PCDHGA1: variants seen among roughly 807,000 people sequenced by gnomAD.
The protein encoded by PCDHGA1 is protocadherin gamma subfamily A, 1.
PCDHGA1 carries 32 observed loss-of-function variants against 58.0 expected under a neutral mutation model. The observed-to-expected ratio is 0.55, with a 90% CI of 0.42 to 0.74. The LOEUF is 0.74. Ranked by LOEUF, PCDHGA1 falls within the 30% of genes least tolerant of loss-of-function variation. PCDHGA1 has a pLI of 0.00. For missense variants in PCDHGA1, 1,205 were observed against 1,182.3 expected (o/e 1.02, Z -0.28); for synonymous variants, 498 against 501.1 (o/e 0.99, Z 0.08).
Position 141,400,079 on chromosome 5 carries a change from C to G in PCDHGA1, c.2421+66974C>G, listed in dbSNP as rs1377742612. On this transcript the variant is annotated intron_variant, in intron 1 of 3. Coordinates refer to ENST00000517417, the MANE Select transcript of PCDHGA1 (RefSeq NM_018912.3). ...CGTGATGGTGGACAGCCGCCACTCT[C>G]CGCCACCGCCACGCTGCACTTGGTC... 2.5e-6 allele frequency: 4 copies of G among 1,613,924 alleles called. No individual in the cohort carries two copies. In the East Asian group the frequency reaches 6.7e-5, roughly 27 times the overall value.
In PCDHGA1 at chr5:141,431,841, C is replaced by T; in HGVS notation, c.2422-62966C>T. The T allele has an allele frequency of 6.2e-7, 1 of 1,614,246 alleles. No homozygotes were observed. Among genetic ancestry groups the T allele is most frequent in the Non-Finnish European group, 8.5e-7 (1 of 1,180,044 alleles). ...GCCAGCTCGGTTCCCGAAAACTCTC[C>T]CAGAGGGACATTAATTGCCCTTTTA... On this transcript the variant is annotated intron_variant, in intron 1 of 3. Coordinates refer to ENST00000517417, the MANE Select transcript of PCDHGA1 (RefSeq NM_018912.3). The surrounding 1 kb of genome is among the most constrained non-coding windows in gnomAD (Gnocchi z 4.8).
At chr5:141,369,056 A>G (rs1051777432) in intron 1 of PCDHGA1, among the ~76,000 whole-genome samples, 7 of 152,212 alleles carry the variant, frequency 4.6e-5, no homozygotes, top group Non-Finnish European at 5.9e-5. Flanking sequence ...TACATTATGT[A>G]GGCTAAAGAT....
At chr5:141,377,551 G>A (rs949060522) in intron 1 of PCDHGA1, 1 of 151,380 alleles carries the variant, frequency 6.6e-6, no homozygotes, top group Non-Finnish European at 1.5e-5. Flanking sequence ...AGATATAATT[G>A]TGTCACTGCA....
chr5:141,388,978 C>T, intron 1 of PCDHGA1: 1 of 1,613,972 alleles, frequency 6.2e-7, no homozygotes, highest in Non-Finnish European at 8.5e-7. Context: ...ACACATATTG[C>T]TTTGCTCAAA....
intron 1 of PCDHGA1, chr5:141,393,007 G>T: frequency 6.2e-7 from 1 of 1,613,850 alleles, no homozygotes; most frequent in South Asian, 1.1e-5. Context: ...CACGGAGTCC[G>T]TATCGTCTCC....
intron 1 of PCDHGA1, among the ~76,000 whole-genome samples, chr5:141,460,344 A>G (rs930557610): frequency 7.2e-5 from 11 of 152,060 alleles, no homozygotes; most frequent in African/African-American, 2.2e-4. Context: ...ATTTTCTCCT[A>G]TATTTTCTTT....
At chr5:141,339,254 C>A in intron 1 of PCDHGA1, 1 of 1,614,242 alleles carries the variant, frequency 6.2e-7, no homozygotes, top group South Asian at 1.1e-5. Context: ...CCGGGAGGAG[C>A]TCTGCGCTCA....
chr5:141,392,366 G>C (rs956315393), intron 1 of PCDHGA1: 4 of 152,962 alleles, frequency 2.6e-5, no homozygotes, highest in East Asian at 1.9e-4. Context: ...GCTACAATCT[G>C]ATCATTCTGA....
In PCDHGA1 at chr5:141,332,969, A is replaced by G; in HGVS notation, c.2285A>G (p.Asp762Gly). The G allele has an allele frequency of 1.2e-6, 2 of 1,613,880 alleles. No individual in the cohort carries two copies. Among genetic ancestry groups the G allele is most frequent in the South Asian group, 2.2e-5 (2 of 91,064 alleles). The change falls in exon 1 of 4, where the codon GAC becomes GGC. Residue 762 changes from aspartate to glycine, a missense_variant. Transcript: ENST00000517417. This position sits in a 1 kb window ranked among gnomAD's most constrained non-coding sequence, Gnocchi z 4.6. ...TYSHEVSLTA[D>G]SRKSHLIFPQ... is the part of the protein sequence containing the mutation. ...TCCCACGAGGTCTCCCTCACTGCGG[A>G]CTCGCGGAAGAGCCACCTGATTTTC...
chr5:141,360,601 C>A, intron 1 of PCDHGA1: 1 of 1,613,928 alleles, frequency 6.2e-7, no homozygotes, highest in Non-Finnish European at 8.5e-7. Context: ...TCCACTTGAC[C>A]CAGCCCTGGA....
At chr5:141,421,489 G>A in intron 1 of PCDHGA1, 1 of 1,614,094 alleles carries the variant, frequency 6.2e-7, no homozygotes, top group Non-Finnish European at 8.5e-7. Flanking sequence ...CTTGATCACG[G>A]CAGGCAGGAT....
Position 141,490,611 on chromosome 5 carries a change from G to GCTTTA in PCDHGA1, c.2422-4194_2422-4190dup. On this transcript the variant is annotated intron_variant, in intron 1 of 3. Coordinates refer to ENST00000517417, the MANE Select transcript of PCDHGA1 (RefSeq NM_018912.3). The surrounding 1 kb of genome is among the most constrained non-coding windows in gnomAD (Gnocchi z 5.4). The stretch of plus-strand genomic sequence containing the variant: ...ACAATGCACCCCGCTTCAACCAGCA[G>GCTTTA]CTTTACACTGCTTACATCCTAGAAA... 6.2e-7 allele frequency: 1 copy of GCTTTA among 1,614,170 alleles called. No individual in the cohort carries two copies. Among genetic ancestry groups the GCTTTA allele is most frequent in the Non-Finnish European group, 8.5e-7 (1 of 1,180,036 alleles).
At chr5:141,375,512 C>G in intron 1 of PCDHGA1, 3 of 1,614,054 alleles carry the variant, frequency 1.9e-6, no homozygotes, top group Non-Finnish European at 2.5e-6. Flanking sequence ...TGTGAATGCA[C>G]TGGACCCTGA....
rs73265846 is a variant in PCDHGA1, at chr5:141,370,853, C to T, written c.2421+37748C>T. 1,195 of 1,614,040 alleles carry T rather than the reference C, an allele frequency of 7.4e-4. 6 individuals carry two copies. In the African/African-American group the frequency reaches 0.014, roughly 19 times the overall value. On this transcript the variant is annotated intron_variant, in intron 1 of 3. Coordinates refer to ENST00000517417, the MANE Select transcript of PCDHGA1 (RefSeq NM_018912.3). ...TGGCTCTCACTGGAGCCACATTTGC[C>T]CTGGAATCTGCGCAAGATCCTGATG...
intron 1 of PCDHGA1, chr5:141,395,509 G>C (rs59251876): frequency 0.091 from 39,157 of 428,204 alleles, 2,522 homozygotes; most frequent in African/African-American, 0.18. Flanking sequence ...TTAAGAAGTA[G>C]CTACCCGTCC....
At chr5:141,380,748 C>A (rs1776705964) in intron 1 of PCDHGA1, among the ~76,000 whole-genome samples, 1 of 151,948 alleles carries the variant, frequency 6.6e-6, no homozygotes, top group African/African-American at 2.4e-5. Flanking sequence ...AAGAAGGTAC[C>A]AAGACACTAT....
intron 1 of PCDHGA1, among the ~76,000 whole-genome samples, chr5:141,465,911 A>G (rs540115471): frequency 6.6e-6 from 1 of 152,260 alleles, no homozygotes; most frequent in East Asian, 1.9e-4. Context: ...TCACGAGGTC[A>G]GGATTTCGAG....
intron 1 of PCDHGA1, chr5:141,398,058 T>C (rs921277104): frequency 2.0e-6 from 3 of 1,525,504 alleles, no homozygotes; most frequent in African/African-American, 1.4e-5. Flanking sequence ...GATCCAAAAA[T>C]CTACAATACA....
rs752811986 is a variant in PCDHGA1, at chr5:141,366,261, T to A, written c.2421+33156T>A. The stretch of plus-strand genomic sequence containing the variant: ...GACGCGCTCAAGCAGAGCCTCGTGG[T>A]GGCCGTCGAAGACCATGGCCAGCCC... On this transcript the variant is annotated intron_variant, in intron 1 of 3. Transcript: ENST00000517417. The A allele has an allele frequency of 1.4e-5, 23 of 1,613,602 alleles. No individual in the cohort carries two copies. The Admixed American group carries it at 2.3e-4, about 16-fold the overall frequency.
Sources: gnomAD v4.1 joint callset for allele counts (sites outside exome capture counted in the v4.1 genomes callset) on GRCh38, gnomAD v4.1.1 for gene constraint, Gnocchi (gnomAD v3.1) non-coding constraint, MANE v1.5 for transcripts, NCBI Gene and HGNC (gene_info 2026-07-23, HGNC 2026-07-21) for gene names.